Variants in LPP observed in about 807,000 individuals in gnomAD.
LPP encodes the protein lipoma-preferred partner.
In LPP, 38 loss-of-function variants were observed where a neutral mutation model predicts 60.4. The observed-to-expected ratio is 0.63, with a 90% CI of 0.49 to 0.83. The LOEUF (loss-of-function observed/expected upper bound fraction) is 0.83. Among genes scored for constraint, LPP ranks in the 40% least tolerant of loss-of-function variants. The probability of loss-of-function intolerance (pLI) is 0.00; values close to 1 mark genes in which losing one functional copy is unlikely to be tolerated. For synonymous variants in LPP, 328 were observed against 290.8 expected, an observed-to-expected ratio of 1.13 and a Z score of -1.30; for missense variants, 902 against 783.6, an observed-to-expected ratio of 1.15 and a Z score of -1.80.
At chr3:188,672,959 TG>T (rs1325686398) in intron 7 of LPP, among the ~76,000 whole-genome samples, 3 of 149,972 alleles carry the variant, frequency 2.0e-5, no homozygotes, top group South Asian at 2.1e-4. Flanking sequence ...TTTCTTTTAT[TG>T]TTTTTTTTTT....
chr3:188,724,383 A>G (rs1717591455), intron 8 of LPP, among the ~76,000 whole-genome samples: 3 of 152,252 alleles, frequency 2.0e-5, no homozygotes, highest in Admixed American at 1.3e-4. Context: ...GGTAAATCCT[A>G]TTCTGTTTTT....
At chr3:188,837,910 A>G (rs1000586938) in intron 9 of LPP, among the ~76,000 whole-genome samples, 13 of 152,098 alleles carry the variant, frequency 8.5e-5, no homozygotes, top group African/African-American at 3.1e-4. Context: ...TTCTAACTTT[A>G]GGTAATTCAG....
chr3:188,528,694 C>A (rs1294804061), intron 6 of LPP, among the ~76,000 whole-genome samples: 1 of 152,154 alleles, frequency 6.6e-6, no homozygotes, highest in Admixed American at 6.5e-5. Flanking sequence ...GAAACTAAGA[C>A]TCACCAAGAA....
intron 7 of LPP, among the ~76,000 whole-genome samples, chr3:188,625,478 T>C (rs773229970): frequency 2.6e-5 from 4 of 152,180 alleles, no homozygotes; most frequent in Non-Finnish European, 2.9e-5. Context: ...AAAAAAGAAC[T>C]CACTGAGATG....
intron 1 of LPP, chr3:188,180,698 A>G (rs1242594423): frequency 6.6e-6 from 1 of 152,544 alleles, no homozygotes; most frequent in African/African-American, 2.4e-5. Context: ...TCATGATTTT[A>G]TGTGCATTTG....
intron 2 of LPP, among the ~76,000 whole-genome samples, chr3:188,247,753 T>C (rs906645433): frequency 1.3e-5 from 2 of 149,220 alleles, no homozygotes; most frequent in East Asian, 3.9e-4. Context: ...GAGACGAGAT[T>C]GCGCCATTGC....
intron 3 of LPP, among the ~76,000 whole-genome samples, chr3:188,404,242 TTATA>T (rs1174467822): frequency 6.6e-6 from 1 of 151,572 alleles, no homozygotes; most frequent in Non-Finnish European, 1.5e-5. Context: ...AGACAGAGGT[TTATA>T]TGTTTGTTTG....
rs146349486 is a variant in LPP, at chr3:188,661,206, A to G, written c.1114-47061A>G. ...CTAATGCTGGATAATATTTTATTAT[A>G]TAGATGTCCACAGTTTATTTATCCA... On this transcript the variant is annotated intron_variant, in intron 7 of 11. Transcript: ENST00000617246. Among the ~76,000 whole-genome samples, 50 of 152,310 alleles carry G rather than the reference A, an allele frequency of 3.3e-4. 1 individual carries two copies. The highest frequency in any genetic ancestry group is 1.1e-3 in the African/African-American group (44 of 41,566).
chr3:188,586,762 T>C (rs1015090244), intron 6 of LPP, among the ~76,000 whole-genome samples: 3 of 149,140 alleles, frequency 2.0e-5, no homozygotes, highest in Admixed American at 6.8e-5. Context: ...GGAGTCTCGC[T>C]CTGTCGCCAG....
intron 7 of LPP, among the ~76,000 whole-genome samples, chr3:188,655,956 A>C (rs1224660544): frequency 6.6e-6 from 1 of 151,924 alleles, no homozygotes; most frequent in Non-Finnish European, 1.5e-5. Context: ...TTGGGAGGCC[A>C]AGGTGGGTGG....
At chr3:188,189,179 C>G (rs544648039) in intron 1 of LPP, among the ~76,000 whole-genome samples, 1 of 152,148 alleles carries the variant, frequency 6.6e-6, no homozygotes, top group East Asian at 1.9e-4. Flanking sequence ...TCAACCACCT[C>G]AGGCTCAGTT....
intron 2 of LPP, among the ~76,000 whole-genome samples, chr3:188,286,064 G>C (rs547394117): frequency 9.9e-4 from 151 of 152,274 alleles, no homozygotes; most frequent in African/African-American, 3.5e-3. Flanking sequence ...GGCTTATAGA[G>C]GGAAGTGACT....
chr3:188,782,806 C>T (rs750655960), intron 9 of LPP, among the ~76,000 whole-genome samples: 3 of 151,914 alleles, frequency 2.0e-5, no homozygotes, highest in East Asian at 1.9e-4. Flanking sequence ...CCTTGACCTG[C>T]GCCTTGACCC....
chr3:188,598,855 G>A (rs1299965556), intron 6 of LPP, among the ~76,000 whole-genome samples: 7 of 152,040 alleles, frequency 4.6e-5, no homozygotes, highest in South Asian at 4.1e-4. Context: ...ATATAAAAAC[G>A]CACCTGTAAT....
chr3:188,306,948 C>T (rs752933685), intron 2 of LPP, among the ~76,000 whole-genome samples: 4 of 152,224 alleles, frequency 2.6e-5, no homozygotes, highest in Non-Finnish European at 5.9e-5. Context: ...TAAGTCCACA[C>T]TGCAAATGGC....
intron 8 of LPP, among the ~76,000 whole-genome samples, chr3:188,753,941 T>C (rs1729175165): frequency 6.6e-6 from 1 of 152,236 alleles, no homozygotes; most frequent in East Asian, 1.9e-4. Flanking sequence ...TGTCCTACAG[T>C]CCAGCTTTTA....
intron 3 of LPP, among the ~76,000 whole-genome samples, chr3:188,376,074 T>G (rs1578436903): frequency 6.6e-6 from 1 of 152,128 alleles, no homozygotes; most frequent in Non-Finnish European, 1.5e-5. Flanking sequence ...GAGAGACAGT[T>G]TGTTATAATT....
At position 188,803,234 on chromosome 3, in the gene LPP, G is replaced by A. The variant is rs796841927; in HGVS notation, c.1410+42952G>A. 2.6e-5 allele frequency among the ~76,000 whole-genome samples: 4 copies of A among 151,910 alleles called. No homozygotes were observed. The South Asian group carries it at 6.2e-4, about 24-fold the overall frequency. ...AATTTTTAAAATTTTGACTAGAGAT[G>A]GAGTTTTGCCCTGTTGGCCAGGCTG... On this transcript the variant is annotated intron_variant, in intron 9 of 11. Transcript: ENST00000617246.
Position 188,214,466 on chromosome 3 carries a change from G to C in LPP, c.-189-10939G>C, listed in dbSNP as rs560975177. 3.3e-5 allele frequency among the ~76,000 whole-genome samples: 5 copies of C among 152,294 alleles called. No individual in the cohort carries two copies. In the East Asian group the frequency reaches 7.7e-4, roughly 24 times the overall value. On this transcript the variant is annotated intron_variant, in intron 1 of 11. Transcript: ENST00000617246. ...TTGAGGGCCTTATTTTCCAGTGCAG[G>C]GAAGATGGTAGAAATATGTTTTGGG...
Sources: gnomAD v4.1 joint callset for allele counts (sites outside exome capture counted in the v4.1 genomes callset) on GRCh38, gnomAD v4.1.1 for gene constraint, MANE v1.5 for transcripts, NCBI Gene and HGNC (gene_info 2026-07-23, HGNC 2026-07-21) for gene names.